Variants in MYO16 observed in about 807,000 individuals in gnomAD.
The protein encoded by MYO16 is myosin XVI, also known as unconventional myosin-XVI.
In MYO16, 94 loss-of-function variants were observed where a neutral mutation model predicts 205.3. The observed-to-expected ratio is 0.46, with a 90% CI of 0.39 to 0.54. The LOEUF (loss-of-function observed/expected upper bound fraction) is 0.54, where lower values mean the gene tolerates loss of function less well. Among genes scored for constraint, MYO16 ranks in the 20% least tolerant of loss-of-function variants. MYO16 has a pLI of 0.00. For synonymous variants in MYO16, 988 were observed against 954.0 expected, an observed-to-expected ratio of 1.04 and a Z score of -0.66; for missense variants, 2,315 against 2,387.5, an observed-to-expected ratio of 0.97 and a Z score of 0.63.
chr13:109,063,376 T>C (rs2139631571), intron 27 of MYO16, among the ~76,000 whole-genome samples: 1 of 152,322 alleles, frequency 6.6e-6, no homozygotes, highest in Admixed American at 6.5e-5. Flanking sequence ...GAGACTTCAC[T>C]AGTTTGGAGA....
At chr13:108,645,922 G>C (rs531918367) in intron 1 of MYO16, among the ~76,000 whole-genome samples, 30 of 152,264 alleles carry the variant, frequency 2.0e-4, no homozygotes, top group Admixed American at 1.1e-3. Context: ...AGCATAAGTA[G>C]TCCTGCCCCA....
At chr13:109,088,020 G>A (rs1239957343) in intron 27 of MYO16, among the ~76,000 whole-genome samples, 1 of 152,142 alleles carries the variant, frequency 6.6e-6, no homozygotes, top group Non-Finnish European at 1.5e-5. Context: ...TAAAGATATC[G>A]ATTTGAATGT....
At chr13:108,940,161 AG>A (rs1882663246) in intron 16 of MYO16, among the ~76,000 whole-genome samples, 1 of 152,174 alleles carries the variant, frequency 6.6e-6, no homozygotes, top group African/African-American at 2.4e-5. Flanking sequence ...CTAAACACAA[AG>A]AACAGCAGAG....
At chr13:108,588,890 T>G in the MYO16 span, among the ~76,000 whole-genome samples, 17 of 152,108 alleles carry the variant, frequency 1.1e-4, no homozygotes, top group African/African-American at 3.9e-4. Flanking sequence ...CCACCGAGAT[T>G]TGGGGGCTGA....
At chr13:108,634,182 C>T (rs551192433) in intron 1 of MYO16, among the ~76,000 whole-genome samples, 3 of 152,260 alleles carry the variant, frequency 2.0e-5, no homozygotes, top group South Asian at 2.1e-4. Context: ...ACGGTAGGCA[C>T]GACTGCTCAT....
At chr13:108,723,465 A>AT (rs1411260754) in intron 3 of MYO16, among the ~76,000 whole-genome samples, 2 of 152,022 alleles carry the variant, frequency 1.3e-5, no homozygotes, top group East Asian at 3.9e-4. Context: ...TTGGTTTTAC[A>AT]TTTTTTGCAA....
At position 108,868,127 on chromosome 13, in the gene MYO16, A is replaced by AT. The variant is rs148300755; in HGVS notation, c.1425+1894dup. On this transcript the variant is annotated intron_variant, in intron 12 of 34. Transcript: ENST00000457511. ...TATTACTGCTATGAACATCCTCACA[A>AT]TTTTTTTTTGATAACATATGTATTT... Among the ~76,000 whole-genome samples the AT allele has an allele frequency of 6.1e-4, 93 of 151,818 alleles. 1 individual carries two copies. Among genetic ancestry groups the AT allele is most frequent in the African/African-American group, 1.7e-3 (70 of 41,406 alleles).
intron 33 of MYO16, among the ~76,000 whole-genome samples, chr13:109,176,602 G>C (rs202153239): frequency 1.7e-4 from 6 of 36,342 alleles, no homozygotes; most frequent in East Asian, 1.6e-3. Flanking sequence ...AAAAAAAAAA[G>C]ACCTCCTTTG....
chr13:109,164,778 T>A, intron 32 of MYO16, 123 bp from the exon 33 acceptor site: 1 of 549,764 alleles, frequency 1.8e-6, no homozygotes, highest in Non-Finnish European at 2.8e-6. Flanking sequence ...TATTAAAGAT[T>A]ATTATTATTT....
intron 25 of MYO16, 115 bp from the exon 26 acceptor site, chr13:109,054,920 TCCTTCTTTCTC>T: frequency 1.7e-6 from 1 of 572,776 alleles, no homozygotes; most frequent in Non-Finnish European, 3.0e-6. Context: ...TCTTCTTCCT[TCCTTCTTTCTC>T]TTTTTTCCTT....
chr13:109,100,109 C>T (rs1177725113), intron 27 of MYO16, among the ~76,000 whole-genome samples: 1 of 152,172 alleles, frequency 6.6e-6, no homozygotes, highest in East Asian at 1.9e-4. Flanking sequence ...AGGTTAACCA[C>T]TGTAAGTGCA....
At chr13:109,102,539 G>A (rs576987768) in intron 28 of MYO16, among the ~76,000 whole-genome samples, 2 of 151,974 alleles carry the variant, frequency 1.3e-5, no homozygotes, top group Non-Finnish European at 2.9e-5. Context: ...TGAGATAGAT[G>A]TATGTGTATG....
chr13:109,150,390 G>A (rs866207792), intron 32 of MYO16, among the ~76,000 whole-genome samples: 3 of 151,992 alleles, frequency 2.0e-5, no homozygotes, highest in Admixed American at 6.5e-5. Flanking sequence ...TGCTGTTCCC[G>A]CTAGGTCATG....
chr13:108,646,238 T>C (rs950712237), intron 1 of MYO16, among the ~76,000 whole-genome samples: 5 of 152,242 alleles, frequency 3.3e-5, no homozygotes, highest in Admixed American at 3.3e-4. Context: ...GATTATATCA[T>C]CCATGATGTA....
At chr13:108,844,631 G>T in intron 10 of MYO16, 138 bp downstream of exon 10, 1 of 868,320 alleles carries the variant, frequency 1.2e-6, no homozygotes, top group Non-Finnish European at 1.6e-6. Flanking sequence ...TATTTTGCTT[G>T]CAGTTTTCAT....
At chr13:108,890,888 C>A (rs1880139544) in intron 14 of MYO16, among the ~76,000 whole-genome samples, 1 of 152,158 alleles carries the variant, frequency 6.6e-6, no homozygotes, top group Admixed American at 6.5e-5. Flanking sequence ...CTTCCTCTTA[C>A]TCTCTGCTGA....
At chr13:109,132,061 T>C (rs1202059675) in intron 31 of MYO16, among the ~76,000 whole-genome samples, 1 of 152,214 alleles carries the variant, frequency 6.6e-6, no homozygotes, top group Admixed American at 6.5e-5. Flanking sequence ...TGCATATAAC[T>C]TTGTTGTTAA....
At chr13:108,593,527 G>C (rs569205508), upstream of MYO16, among the ~76,000 whole-genome samples, 14 of 152,124 alleles carry the variant, frequency 9.2e-5, no homozygotes, top group African/African-American at 1.4e-4. Context: ...CCCCACGGAC[G>C]AATTGTTTTC....
intron 2 of MYO16, among the ~76,000 whole-genome samples, chr13:108,684,943 G>GTT (rs1882614404): frequency 6.6e-6 from 1 of 151,866 alleles, no homozygotes; most frequent in African/African-American, 2.4e-5. Context: ...AATGGTAAAC[G>GTT]TAAGTCAAGT....
Sources: gnomAD v4.1 joint callset for allele counts (sites outside exome capture counted in the v4.1 genomes callset) on GRCh38, gnomAD v4.1.1 for gene constraint, MANE v1.5 for transcripts, NCBI Gene and HGNC (gene_info 2026-07-23, HGNC 2026-07-21) for gene names.